The following LHFPL3 variants were observed in gnomAD, a reference collection of about 807,000 sequenced individuals.
LHFPL3 encodes the protein LHFPL tetraspan subfamily member 3 protein.
In LHFPL3, 5 loss-of-function variants were observed where a neutral mutation model predicts 19.3. The observed-to-expected ratio is 0.26, with a 90% confidence interval of 0.14 to 0.54. The LOEUF is 0.54. Among genes scored for constraint, LHFPL3 ranks in the 20% least tolerant of loss-of-function variants. The probability of loss-of-function intolerance (pLI) is 0.94; values close to 1 mark genes in which losing one functional copy is unlikely to be tolerated. For synonymous variants in LHFPL3, 133 were observed against 126.2 expected (o/e 1.05, Z -0.36); for missense variants, 249 against 307.4 (o/e 0.81, Z 1.42).
intron 1 of LHFPL3, among the ~76,000 whole-genome samples, chr7:104,648,042 A>G (rs1473032231): frequency 6.6e-6 from 1 of 152,220 alleles, no homozygotes; most frequent in Admixed American, 6.5e-5. Context: ...GAATGCCCCT[A>G]ATGAGATAAC....
At chr7:104,840,864 A>G (rs1584569296) in intron 2 of LHFPL3, among the ~76,000 whole-genome samples, 2 of 152,178 alleles carry the variant, frequency 1.3e-5, no homozygotes, top group Admixed American at 1.3e-4. Flanking sequence ...ATGAGACCAC[A>G]GTTCATTCAA....
intron 1 of LHFPL3, among the ~76,000 whole-genome samples, chr7:104,508,900 A>G (rs1303712796): frequency 6.6e-6 from 1 of 152,134 alleles, no homozygotes; most frequent in Non-Finnish European, 1.5e-5. Flanking sequence ...AAACAAATCA[A>G]TATCAACAAT....
rs539379245 is a variant in LHFPL3, at chr7:104,742,178, C to A, written c.682+5267C>A. 1.6e-4 allele frequency among the ~76,000 whole-genome samples: 24 copies of A among 152,300 alleles called. 1 individual carries two copies. In the South Asian group the frequency reaches 4.3e-3, roughly 28 times the overall value. Reference sequence around the variant, plus strand: ...TTAATTATGAAAGGATAAATAATTACATTTTCCAGAGCTCCTATGCCACAA... The same window carrying A: ...TTAATTATGAAAGGATAAATAATTAAATTTTCCAGAGCTCCTATGCCACAA... On this transcript the variant is annotated intron_variant, in intron 2 of 2. Coordinates refer to ENST00000424859, the MANE Select transcript of LHFPL3 (RefSeq NM_199000.3).
At chr7:104,766,209 G>T (rs563371171) in intron 2 of LHFPL3, among the ~76,000 whole-genome samples, 21 of 152,274 alleles carry the variant, frequency 1.4e-4, no homozygotes, top group African/African-American at 3.9e-4. Flanking sequence ...TTGTTGATAT[G>T]GGAGATTATC....
intron 1 of LHFPL3, among the ~76,000 whole-genome samples, chr7:104,337,398 A>C (rs1789849121): frequency 1.3e-5 from 2 of 152,118 alleles, no homozygotes; most frequent in African/African-American, 4.8e-5. Context: ...ACAAGCAGAG[A>C]GCTAGAATAT....
Position 104,357,792 on chromosome 7 carries a change from T to C in LHFPL3, c.445+28568T>C, listed in dbSNP as rs189638360. ...TCCTCCTCCTTCTCCTGCTCCTCCT[T>C]CTCCTCCAGCTTCCTCTTTCCTCTT... is the stretch of plus-strand genomic sequence containing the variant. On this transcript the variant is annotated intron_variant, in intron 1 of 2. Transcript: ENST00000424859. 3.3e-3 allele frequency among the ~76,000 whole-genome samples: 506 copies of C among 151,852 alleles called. 12 individuals are homozygous for C. Among genetic ancestry groups the C allele is most frequent in the Admixed American group, 0.022 (334 of 15,262 alleles).
At chr7:104,697,688 A>T (rs906696290) in intron 1 of LHFPL3, among the ~76,000 whole-genome samples, 7 of 152,328 alleles carry the variant, frequency 4.6e-5, no homozygotes, top group African/African-American at 1.7e-4. Context: ...AAAGTTTTTA[A>T]CTTGAGCTTT....
At chr7:104,430,424 A>ATATATATG (rs1562895233) in intron 1 of LHFPL3, among the ~76,000 whole-genome samples, 2 of 11,224 alleles carry the variant, frequency 1.8e-4, no homozygotes, top group Non-Finnish European at 4.0e-4. Flanking sequence ...ATATACATAT[A>ATATATATG]TATATATATA....
intron 1 of LHFPL3, among the ~76,000 whole-genome samples, chr7:104,630,382 A>G (rs1791618556): frequency 6.6e-6 from 1 of 152,186 alleles, no homozygotes; most frequent in African/African-American, 2.4e-5. Flanking sequence ...TTGCATAGGA[A>G]AAAATGAATG....
intron 1 of LHFPL3, among the ~76,000 whole-genome samples, chr7:104,551,062 G>A (rs537949365): frequency 1.3e-5 from 2 of 151,876 alleles, no homozygotes; most frequent in East Asian, 3.9e-4. Context: ...GCGCTAATCA[G>A]AACATTTCTT....
At chr7:104,882,034 C>G (rs760399647) in intron 2 of LHFPL3, among the ~76,000 whole-genome samples, 2 of 152,194 alleles carry the variant, frequency 1.3e-5, no homozygotes, top group Non-Finnish European at 2.9e-5. Context: ...ACGAAAACTT[C>G]TGTCTTTATT....
At chr7:104,475,080 G>A (rs571869836) in intron 1 of LHFPL3, among the ~76,000 whole-genome samples, 9 of 152,288 alleles carry the variant, frequency 5.9e-5, no homozygotes, top group South Asian at 2.1e-4. Flanking sequence ...GTTTAACAGC[G>A]TTCTTTTCTG....
intron 2 of LHFPL3, among the ~76,000 whole-genome samples, chr7:104,854,899 G>A (rs367558626): frequency 6.6e-5 from 10 of 152,118 alleles, no homozygotes; most frequent in African/African-American, 1.9e-4. Context: ...CTGCAATGGC[G>A]TATAATTTCT....
At chr7:104,452,783 T>C (rs1009028716) in intron 1 of LHFPL3, among the ~76,000 whole-genome samples, 1 of 152,180 alleles carries the variant, frequency 6.6e-6, no homozygotes, top group African/African-American at 2.4e-5. Context: ...AATTTAAATA[T>C]GTGAACAAAA....
intron 2 of LHFPL3, chr7:104,752,795 G>C: frequency 2.5e-6 from 1 of 395,050 alleles, no homozygotes; most frequent in South Asian, 1.3e-4. Context: ...CTTCACCCTA[G>C]AGAAAAGCCT....
chr7:104,487,106 G>A (rs761573356), intron 1 of LHFPL3, among the ~76,000 whole-genome samples: 38 of 151,774 alleles, frequency 2.5e-4, no homozygotes, highest in Non-Finnish European at 3.8e-4. Flanking sequence ...TGTCTGTAAT[G>A]GTTTTAGTTT....
intron 1 of LHFPL3, among the ~76,000 whole-genome samples, chr7:104,492,736 T>G (rs948071584): frequency 3.3e-5 from 5 of 152,230 alleles, no homozygotes; most frequent in Admixed American, 3.3e-4. Context: ...AGTCCTCAAA[T>G]TCCTTGCTTT....
intron 1 of LHFPL3, among the ~76,000 whole-genome samples, chr7:104,471,886 TA>T (rs1461462952): frequency 1.3e-5 from 2 of 152,190 alleles, no homozygotes; most frequent in African/African-American, 4.8e-5. Context: ...TAACTTAATA[TA>T]AAAATTTCTG....
chr7:104,736,950 A>C, intron 2 of LHFPL3, 39 bp downstream of exon 2: 1 of 1,491,238 alleles, frequency 6.7e-7, no homozygotes, highest in Admixed American at 2.0e-5. Context: ...GGATGCCTCA[A>C]GCACAAAAAA....
Sources: allele counts gnomAD v4.1 joint callset (sites outside exome capture counted in the v4.1 genomes callset), GRCh38; gene constraint gnomAD v4.1.1; transcripts MANE v1.5; gene names NCBI Gene and HGNC (gene_info 2026-07-23, HGNC 2026-07-21).